The following RBM3 variants were observed in gnomAD, a reference collection of about 807,000 sequenced individuals.
RBM3 encodes RNA-binding protein 3.
Under a neutral mutation model 12.0 loss-of-function variants are expected in RBM3, and 3 were observed. That is an observed-to-expected ratio of 0.25 (90% CI 0.11 to 0.65). The LOEUF (loss-of-function observed/expected upper bound fraction) is 0.65. Among genes scored for constraint, RBM3 ranks in the 30% least tolerant of loss-of-function variants. The probability of loss-of-function intolerance (pLI) is 0.84; values close to 1 mark genes in which losing one functional copy is unlikely to be tolerated. For synonymous variants in RBM3, 58 were observed against 45.7 expected (o/e 1.27, Z -1.08); for missense variants, 108 against 134.5 (o/e 0.80, Z 0.97).
chrX:48,579,154 C>T lies in RBM3; in HGVS notation c.*1713C>T. 1 of 111,173 alleles carries T rather than the reference C, an allele frequency of 9.0e-6. No homozygotes were observed. The highest frequency in any genetic ancestry group is 1.9e-5 in the Non-Finnish European group (1 of 53,022). 9.2% of individuals were successfully genotyped at this position (111,173 alleles called of 1,213,427 possible). Reference sequence around the variant, plus strand: ...GTTCCTCAGTTCTGCTCCCTTTAGTCATGGTTCTTTCTAGTGGCTGTATTG... The same window carrying T: ...GTTCCTCAGTTCTGCTCCCTTTAGTTATGGTTCTTTCTAGTGGCTGTATTG... On this transcript the variant is annotated 3_prime_UTR_variant, in exon 7 of 7. Coordinates refer to ENST00000376759, the MANE Select transcript of RBM3 (RefSeq NM_006743.5).
At chrX:48,576,444 A>G (rs2062080362) in intron 4 of RBM3, 25 bp downstream of exon 4, 27 of 1,201,596 alleles carry the variant, frequency 2.2e-5, no homozygotes, top group Non-Finnish European at 2.9e-5. Flanking sequence ...CGTTTTGATC[A>G]TGGGGTGAGA....
intron 1 of RBM3, 21 bp from the exon 2 acceptor site, chrX:48,575,147 T>C (rs782134247): frequency 9.2e-7 from 1 of 1,084,472 alleles, no homozygotes; most frequent in Admixed American, 2.3e-5. Flanking sequence ...CCTGCCACCA[T>C]TCTTCATGTT....
Position 48,577,698 on chromosome X carries a change from T to C in RBM3, c.*257T>C, listed in dbSNP as rs1038584356. ...TTTGTAGAACCTGAGTATTTTTCTTTTTACCAGTTTTTTAGTTTGAGCTCT... is the reference window on the plus strand; with the variant it reads ...TTTGTAGAACCTGAGTATTTTTCTTCTTACCAGTTTTTTAGTTTGAGCTCT... On this transcript the variant is annotated 3_prime_UTR_variant, in exon 7 of 7. Coordinates refer to ENST00000376759, the MANE Select transcript of RBM3 (RefSeq NM_006743.5). 1.4e-5 allele frequency: 3 copies of C among 211,791 alleles called. No homozygotes were observed. The highest frequency in any genetic ancestry group is 3.1e-4 in the East Asian group (2 of 6,480). 17.5% of individuals were successfully genotyped at this position (211,791 alleles called of 1,213,427 possible).
intron 2 of RBM3, 128 bp from the exon 3 acceptor site, chrX:48,575,433 G>A (rs1005996319): frequency 3.8e-6 from 3 of 788,100 alleles, no homozygotes; most frequent in Admixed American, 3.1e-5. Flanking sequence ...GAGGGGAAGC[G>A]TCTTTGGGAT....
chrX:48,576,727 T>C, intron 5 of RBM3, 123 bp downstream of exon 5: 1 of 1,023,519 alleles, frequency 9.8e-7, no homozygotes, highest in Non-Finnish European at 1.3e-6. Context: ...GAGTATGAAA[T>C]TTAGCATTTT....
At chrX:48,576,088 G>A (rs958238883) in intron 3 of RBM3, 3 of 1,137,065 alleles carry the variant, frequency 2.6e-6, no homozygotes, top group Non-Finnish European at 3.5e-6. Context: ...CAAGATGTAA[G>A]TAGTAGCAAG....
chrX:48,577,029 C>T lies in RBM3; in HGVS notation c.417C>T (p.Asn139=), dbSNP rs1042017906. 1.7e-6 allele frequency: 2 copies of T among 1,210,083 alleles called. No individual in the cohort carries two copies. The highest frequency in any genetic ancestry group is 2.2e-6 in the Non-Finnish European group (2 of 894,933). Residue 139 remains asparagine, a synonymous_variant, in exon 6 of 7, where the codon AAC becomes AAT. Coordinates refer to ENST00000376759, the MANE Select transcript of RBM3 (RefSeq NM_006743.5). ...GTGTGTTTTTTTTCCCCCCCAGAAA[C>T]CAGGGTGGTTATGACCGCTACTCAG... The part of the protein sequence containing the change: ...YGRSRDYNGR[N]QGGYDRYSGG...
intron 6 of RBM3, 121 bp downstream of exon 6, chrX:48,577,230 A>G: frequency 1.7e-6 from 2 of 1,150,296 alleles, no homozygotes; most frequent in Non-Finnish European, 2.3e-6. Flanking sequence ...CAGCCAACCT[A>G]CCAAACATTC....
chrX:48,576,925 GT>G lies in RBM3; in HGVS notation c.414-98del, dbSNP rs2062083011. ...ACATATCCTGTTTTTGATACGTAAGGTTTATGTTATGACCCATACTGTAAAA... is the reference window on the plus strand; with the variant it reads ...ACATATCCTGTTTTTGATACGTAAGGTTATGTTATGACCCATACTGTAAAA... On this transcript the variant is annotated intron_variant, in intron 5 of 6. Transcript: ENST00000376759. The G allele has an allele frequency of 8.9e-6, 9 of 1,016,116 alleles. No individual in the cohort carries two copies. The East Asian group carries it at 9.6e-5, about 11-fold the overall frequency. The allele number at this position is 1,016,116 out of a possible 1,213,427, so 83.7% of individuals were successfully genotyped here.
At chrX:48,576,953 G>A in intron 5 of RBM3, 73 bp from the exon 6 acceptor site, 12 of 1,121,149 alleles carry the variant, frequency 1.1e-5, no homozygotes, top group Non-Finnish European at 1.5e-5. Context: ...ACTGTAAAAT[G>A]TGACGCATAT....
At chrX:48,574,675 AC>A in intron 1 of RBM3, 102 bp downstream of exon 1, 1 of 331,213 alleles carries the variant, frequency 3.0e-6, no homozygotes, top group South Asian at 2.6e-5. Flanking sequence ...GGCCACTGAC[AC>A]GTAGGCTTGG....
intron 2 of RBM3, 103 bp from the exon 3 acceptor site, chrX:48,575,458 C>T: frequency 4.8e-6 from 4 of 826,893 alleles, no homozygotes; most frequent in Non-Finnish European, 7.0e-6. Context: ...GGGAGCGCTC[C>T]GTTTTCCCTA....
In RBM3 at chrX:48,577,023, C is replaced by A; in HGVS notation, c.414-3C>A. The stretch of plus-strand genomic sequence containing the variant: ...ACTTTTGTGTGTTTTTTTTCCCCCC[C>A]AGAAACCAGGGTGGTTATGACCGCT... On this transcript the variant is annotated splice_region_variant and splice_polypyrimidine_tract_variant and intron_variant, in intron 5 of 6. Coordinates refer to ENST00000376759, the MANE Select transcript of RBM3 (RefSeq NM_006743.5). 8.3e-7 allele frequency: 1 copy of A among 1,208,954 alleles called. No individual in the cohort carries two copies. Among genetic ancestry groups the A allele is most frequent in the Non-Finnish European group, 1.1e-6 (1 of 894,580 alleles).
intron 3 of RBM3, 164 bp downstream of exon 3, chrX:48,575,831 G>A: frequency 3.5e-6 from 2 of 579,614 alleles, no homozygotes; most frequent in Non-Finnish European, 5.3e-6. Context: ...GAGGGCAGCG[G>A]CAGACAGAGC....
chrX:48,576,890 CAT>C (rs2147208409), intron 5 of RBM3, 134 bp from the exon 6 acceptor site: 1 of 815,398 alleles, frequency 1.2e-6, no homozygotes, highest in Non-Finnish European at 1.7e-6. Flanking sequence ...CTGTGATACT[CAT>C]ATGCTTAACA....
In RBM3 at chrX:48,576,934, A is replaced by AAC. The variant is rs2062083101; in HGVS notation, c.414-92_414-91insAC. ...GTTTTTGATACGTAAGGTTTATGTTATGACCCATACTGTAAAATGTGACGC... is the reference window on the plus strand; with the variant it reads ...GTTTTTGATACGTAAGGTTTATGTTAACTGACCCATACTGTAAAATGTGACGC... On this transcript the variant is annotated intron_variant, in intron 5 of 6. Coordinates refer to ENST00000376759, the MANE Select transcript of RBM3 (RefSeq NM_006743.5). The AAC allele has an allele frequency of 7.6e-6, 8 of 1,052,359 alleles. No homozygotes were observed. In the East Asian group the frequency reaches 9.4e-5, roughly 12 times the overall value. The allele number at this position is 1,052,359 out of a possible 1,213,427, so 86.7% of individuals were successfully genotyped here.
At chrX:48,575,060 CTT>C in intron 1 of RBM3, 106 bp from the exon 2 acceptor site, 1 of 586,970 alleles carries the variant, frequency 1.7e-6, no homozygotes, top group Non-Finnish European at 2.8e-6. Flanking sequence ...TTTTGTTCCT[CTT>C]TCTTGTCTAT....
At chrX:48,576,727 T>A in intron 5 of RBM3, 123 bp downstream of exon 5, 1 of 1,023,517 alleles carries the variant, frequency 9.8e-7, no homozygotes, top group Non-Finnish European at 1.3e-6. Flanking sequence ...GAGTATGAAA[T>A]TTAGCATTTT....
rs920151794 is a variant in RBM3, at chrX:48,578,107, A to G, written c.*666A>G. ...AAAAAAGGAAATGTGTATCAAGAAC[A>G]TGATTATCCAGCGGTATTTTCTAAT... is the stretch of plus-strand genomic sequence containing the variant. On this transcript the variant is annotated 3_prime_UTR_variant, in exon 7 of 7. Transcript: ENST00000376759. 3.6e-5 allele frequency: 4 copies of G among 110,735 alleles called. No individual in the cohort carries two copies. Among genetic ancestry groups the G allele is most frequent in the African/African-American group, 1.3e-4 (4 of 30,513 alleles). The allele number at this position is 110,735 out of a possible 1,213,427, so 9.1% of individuals were successfully genotyped here.
Sources: gnomAD v4.1 joint callset for allele counts on GRCh38, gnomAD v4.1.1 for gene constraint, MANE v1.5 for transcripts, NCBI Gene and HGNC (gene_info 2026-07-23, HGNC 2026-07-21) for gene names.